VEGFC: variants seen among roughly 807,000 people sequenced by gnomAD.
The protein encoded by VEGFC is vascular endothelial growth factor C.
A neutral mutation model predicts 46.1 loss-of-function variants in VEGFC; 12 were observed. The observed-to-expected ratio is 0.26, with a 90% CI of 0.17 to 0.42. The LOEUF (loss-of-function observed/expected upper bound fraction) is 0.42, where lower values mean the gene tolerates loss of function less well. VEGFC is among the 10% of genes least tolerant of loss of function. The pLI is 1.00. For missense variants in VEGFC, 488 were observed against 529.4 expected (o/e 0.92, Z 0.77); for synonymous variants, 232 against 195.5 (o/e 1.19, Z -1.56).
intron 1 of VEGFC, among the ~76,000 whole-genome samples, chr4:176,784,670 G>A (rs1391012082): frequency 4.8e-5 from 7 of 146,348 alleles, no homozygotes; most frequent in South Asian, 2.2e-4. Context: ...GGAGAATGGC[G>A]TGAACCTGGG....
intron 4 of VEGFC, among the ~76,000 whole-genome samples, chr4:176,707,913 T>C (rs1734562130): frequency 6.6e-6 from 1 of 152,128 alleles, no homozygotes; most frequent in Admixed American, 6.6e-5. Flanking sequence ...GCTTGGTCCT[T>C]GGTGTTTTCA....
intron 4 of VEGFC, among the ~76,000 whole-genome samples, chr4:176,692,185 G>A (rs111964995): frequency 4.1e-5 from 6 of 148,030 alleles, no homozygotes; most frequent in African/African-American, 1.6e-4. Flanking sequence ...ACGAGGTCAG[G>A]AGATCGAGAC....
At chr4:176,704,574 T>G (rs901975124) in intron 4 of VEGFC, among the ~76,000 whole-genome samples, 1 of 152,124 alleles carries the variant, frequency 6.6e-6, no homozygotes, top group Non-Finnish European at 1.5e-5. Flanking sequence ...TCTATCCCCA[T>G]ATCCACTGCT....
intron 4 of VEGFC, among the ~76,000 whole-genome samples, chr4:176,711,029 T>TAC (rs140093711): frequency 0.065 from 9,956 of 152,066 alleles, 378 homozygotes; most frequent in Non-Finnish European, 0.091. Context: ...TATACACATA[T>TAC]ACACACACAC....
At chr4:176,716,917 G>A (rs1001639523) in intron 3 of VEGFC, among the ~76,000 whole-genome samples, 1 of 151,930 alleles carries the variant, frequency 6.6e-6, no homozygotes, top group Non-Finnish European at 1.5e-5. Context: ...GTATATAATA[G>A]TATTTTCTGT....
In VEGFC at chr4:176,710,352, A is replaced by G. The variant is rs572156274; in HGVS notation, c.704+1147T>C. ...CGGCATCCTCTTGAGTTCAGATGGT[A>G]GTGGTCTCTTGCTTGTATTAGCATA... On this transcript the variant is annotated intron_variant, in intron 4 of 6. Coordinates refer to ENST00000618562, the MANE Select transcript of VEGFC (RefSeq NM_005429.5). Among the ~76,000 whole-genome samples, 11 of 152,258 alleles carry G rather than the reference A, an allele frequency of 7.2e-5. 1 individual carries two copies. The South Asian group carries it at 1.9e-3, about 26-fold the overall frequency.
Position 176,729,720 on chromosome 4 carries a change from C to T in VEGFC, c.174G>A (p.Glu58=). The T allele has an allele frequency of 6.2e-7, 1 of 1,603,946 alleles. No individual in the cohort carries two copies. The highest frequency in any genetic ancestry group is 8.5e-7 in the Non-Finnish European group (1 of 1,175,038). The change falls in exon 2 of 7, where the codon GAG becomes GAA. Residue 58 remains glutamate, a synonymous_variant. Coordinates refer to ENST00000618562, the MANE Select transcript of VEGFC (RefSeq NM_005429.5). ...ATAYASKDLE[E]QLRSVSSVDE... ...CTACACTGGACACAGACCGTAACTG[C>T]TCCTCCAGATCTTTGCTTGCATAAG...
At chr4:176,692,907 G>A (rs1734232844) in intron 4 of VEGFC, among the ~76,000 whole-genome samples, 1 of 147,566 alleles carries the variant, frequency 6.8e-6, no homozygotes, top group Non-Finnish European at 1.5e-5. Context: ...CAGACCTGCA[G>A]CTGAGGGTCC....
intron 4 of VEGFC, among the ~76,000 whole-genome samples, chr4:176,708,990 G>A (rs932343237): frequency 1.3e-5 from 2 of 152,138 alleles, no homozygotes; most frequent in African/African-American, 4.8e-5. Flanking sequence ...GAATGAATTA[G>A]TGGCAAATCT....
At chr4:176,726,020 A>C (rs694178) in intron 3 of VEGFC, among the ~76,000 whole-genome samples, 2,805 of 152,234 alleles carry the variant, frequency 0.018, 59 homozygotes, top group Middle Eastern at 0.1. Flanking sequence ...AAAACCTGTT[A>C]AAGTAGTATT....
rs115098375 is a variant in VEGFC, at chr4:176,742,679, G to A, written c.148-12933C>T. On this transcript the variant is annotated intron_variant, in intron 1 of 6. Transcript: ENST00000618562. Reference sequence around the variant, plus strand: ...TAACTCTCTTGAAGGCTGTTCTAAAGATGAAAATGCTTAATATGTTTCAAA... The same window carrying A: ...TAACTCTCTTGAAGGCTGTTCTAAAAATGAAAATGCTTAATATGTTTCAAA... 1.7e-3 allele frequency among the ~76,000 whole-genome samples: 254 copies of A among 152,076 alleles called. 1 individual carries two copies. The highest frequency in any genetic ancestry group is 6.0e-3 in the African/African-American group (251 of 41,512).
intron 1 of VEGFC, among the ~76,000 whole-genome samples, chr4:176,772,066 C>A (rs1300710901): frequency 6.6e-6 from 1 of 152,078 alleles, no homozygotes; most frequent in African/African-American, 2.4e-5. Context: ...CATTAAGAAA[C>A]GGAGAGGAAA....
Position 176,710,409 on chromosome 4 carries a change from C to T in VEGFC, c.704+1090G>A, listed in dbSNP as rs541079925. The stretch of plus-strand genomic sequence containing the variant: ...TTCACAAATGTCTGTAAGATCTTTG[C>T]TTTCTCACATAAAAGGGGACAGATC... On this transcript the variant is annotated intron_variant, in intron 4 of 6. Coordinates refer to ENST00000618562, the MANE Select transcript of VEGFC (RefSeq NM_005429.5). Among the ~76,000 whole-genome samples the T allele has an allele frequency of 9.8e-4, 149 of 152,190 alleles. 1 individual carries two copies. Among genetic ancestry groups the T allele is most frequent in the African/African-American group, 3.4e-3 (140 of 41,536 alleles).
At chr4:176,739,963 G>T (rs1368864197) in intron 1 of VEGFC, among the ~76,000 whole-genome samples, 8 of 16,716 alleles carry the variant, frequency 4.8e-4, no homozygotes, top group African/African-American at 7.6e-4. Flanking sequence ...CTATATATTC[G>T]ATATATCGAA....
intron 4 of VEGFC, among the ~76,000 whole-genome samples, chr4:176,696,676 A>T (rs1734319614): frequency 6.6e-6 from 1 of 151,992 alleles, no homozygotes; most frequent in Non-Finnish European, 1.5e-5. Flanking sequence ...TGCATCACCA[A>T]GTCAACCCTA....
In VEGFC at chr4:176,683,866, C is replaced by T. The variant is rs1034265792; in HGVS notation, c.*60G>A. On this transcript the variant is annotated 3_prime_UTR_variant, in exon 7 of 7. Transcript: ENST00000618562. ...AGGGTCTCTCTGTTCACAGACAGTT[C>T]TACTGTGGCAACACAGTTTTCCATA... is the stretch of plus-strand genomic sequence containing the variant. 1.5e-5 allele frequency: 20 copies of T among 1,378,148 alleles called. No individual in the cohort carries two copies. The highest frequency in any genetic ancestry group is 6.2e-6 in the Non-Finnish European group (6 of 966,120). 85.4% of individuals were successfully genotyped at this position (1,378,148 alleles called of 1,614,324 possible).
chr4:176,750,565 C>G (rs774212587), intron 1 of VEGFC, among the ~76,000 whole-genome samples: 11 of 151,726 alleles, frequency 7.2e-5, no homozygotes, highest in African/African-American at 2.7e-4. Context: ...CCTAACATTA[C>G]TACCTTTAGA....
At chr4:176,741,797 A>G (rs1333405896) in intron 1 of VEGFC, among the ~76,000 whole-genome samples, 3 of 152,010 alleles carry the variant, frequency 2.0e-5, no homozygotes, top group Admixed American at 6.6e-5. Context: ...TTGACATGTA[A>G]CCAGATTTTG....
chr4:176,790,277 A>C (rs73013160), intron 1 of VEGFC, among the ~76,000 whole-genome samples: 1,547 of 152,324 alleles, frequency 0.01, 27 homozygotes, highest in African/African-American at 0.036. Context: ...ATGGGAAATG[A>C]TGTTTCATCA....
Sources: gnomAD v4.1 joint callset for allele counts (sites outside exome capture counted in the v4.1 genomes callset) on GRCh38, gnomAD v4.1.1 for gene constraint, MANE v1.5 for transcripts, NCBI Gene and HGNC (gene_info 2026-07-23, HGNC 2026-07-21) for gene names.